Variants in NKAIN3 observed in about 807,000 individuals in gnomAD.
NKAIN3 encodes sodium/potassium transporting ATPase interacting 3, also known as sodium/potassium-transporting ATPase subunit beta-1-interacting protein 3.
In NKAIN3, 25 loss-of-function variants were observed where a neutral mutation model predicts 30.2. The ratio of observed to expected loss-of-function variants is 0.83; its 90% CI spans 0.60 to 1.16. The LOEUF (loss-of-function observed/expected upper bound fraction) is 1.16, where lower values mean the gene tolerates loss of function less well. NKAIN3 is among the 50% of genes most tolerant of loss of function. NKAIN3 has a pLI of 0.00. For missense variants in NKAIN3, 225 were observed against 254.1 expected, an observed-to-expected ratio of 0.89 and a Z score of 0.78; for synonymous variants, 91 against 89.6, an observed-to-expected ratio of 1.02 and a Z score of -0.09.
intron 1 of NKAIN3, among the ~76,000 whole-genome samples, chr8:62,527,916 TGACAGAGA>T (rs1249507091): frequency 4.1e-5 from 6 of 145,750 alleles, no homozygotes; most frequent in African/African-American, 1.1e-4. Context: ...TGTGTGTGTG[TGACAGAGA>T]GACAGAGAGA....
At chr8:62,865,872 A>G (rs1255857065) in intron 4 of NKAIN3, among the ~76,000 whole-genome samples, 2 of 152,176 alleles carry the variant, frequency 1.3e-5, no homozygotes, top group South Asian at 2.1e-4. Flanking sequence ...CTTGAGTTCT[A>G]TGTAGCATAT....
In NKAIN3 at chr8:62,345,450, C is replaced by G. The variant is rs202204275; in HGVS notation, c.54+96323C>G. Among the ~76,000 whole-genome samples the G allele has an allele frequency of 5.1e-5, 4 of 78,048 alleles. No homozygotes were observed. The East Asian group carries it at 1.7e-3, about 32-fold the overall frequency. The allele number at this position is 78,048 out of a possible 152,430, so 51.2% of individuals were successfully genotyped here. A position where few individuals can be genotyped will look rare whatever the true frequency, so the allele number is the denominator to read the frequency against. On this transcript the variant is annotated intron_variant, in intron 1 of 6. Coordinates refer to ENST00000623646, the MANE Select transcript of NKAIN3 (RefSeq NM_001304533.3). ...ATACACATATATGTATATATACACA[C>G]ATATGTATATATACACATATATACA...
intron 3 of NKAIN3, among the ~76,000 whole-genome samples, chr8:62,653,478 C>A (rs569405397): frequency 6.6e-6 from 1 of 152,152 alleles, no homozygotes; most frequent in African/African-American, 2.4e-5. Flanking sequence ...ACAGTTCAGT[C>A]CATAATAGGT....
At chr8:62,267,316 A>G (rs977377399) in intron 1 of NKAIN3, among the ~76,000 whole-genome samples, 3 of 152,230 alleles carry the variant, frequency 2.0e-5, no homozygotes, top group Admixed American at 6.5e-5. Context: ...TTTTCCTTAT[A>G]CAGAAAACTT....
intron 6 of NKAIN3, among the ~76,000 whole-genome samples, chr8:62,961,595 A>G (rs1310082640): frequency 1.3e-5 from 2 of 152,224 alleles, no homozygotes; most frequent in African/African-American, 4.8e-5. Context: ...AACTTTTTTT[A>G]AAACAGAACT....
rs530895010 is a variant in NKAIN3, at chr8:62,324,779, CACAGTA to C, written c.54+75653_54+75658del. 2.0e-4 allele frequency among the ~76,000 whole-genome samples: 31 copies of C among 152,196 alleles called. 1 individual carries two copies. In the South Asian group the frequency reaches 6.0e-3, roughly 30 times the overall value. ...TTTGAAGAATAAGTAGTTAATAAGT[CACAGTA>C]TCCTACCCGTGAGAATGAAATGTAA... On this transcript the variant is annotated intron_variant, in intron 1 of 6. Coordinates refer to ENST00000623646, the MANE Select transcript of NKAIN3 (RefSeq NM_001304533.3).
intron 2 of NKAIN3, among the ~76,000 whole-genome samples, chr8:62,585,131 A>G (rs1810429016): frequency 6.6e-6 from 1 of 152,170 alleles, no homozygotes; most frequent in South Asian, 2.1e-4. Flanking sequence ...TGGTTGAGGG[A>G]ATTAATTATA....
rs1399892490 is a variant in NKAIN3 at position 62,760,715 on chromosome 8, A to T, written c.471+13586A>T. On this transcript the variant is annotated intron_variant, in intron 4 of 6. Coordinates refer to ENST00000623646, the MANE Select transcript of NKAIN3 (RefSeq NM_001304533.3). ...TGGGTGCAGCACACCAACATGGCAC[A>T]TGTATACATATGTAACAAACCTGCA... 6.6e-5 allele frequency among the ~76,000 whole-genome samples: 10 copies of T among 152,288 alleles called. No homozygotes were observed. The East Asian group carries it at 1.5e-3, about 24-fold the overall frequency.
At chr8:62,563,299 CA>C (rs1468096726) in intron 1 of NKAIN3, among the ~76,000 whole-genome samples, 1 of 152,090 alleles carries the variant, frequency 6.6e-6, no homozygotes, top group Non-Finnish European at 1.5e-5. Flanking sequence ...GAAGCTGAAT[CA>C]AATGATGAAG....
intron 1 of NKAIN3, among the ~76,000 whole-genome samples, chr8:62,261,989 T>TAAA (rs1197534164): frequency 6.6e-6 from 1 of 152,180 alleles, no homozygotes; most frequent in African/African-American, 2.4e-5. Flanking sequence ...AAACTGTGTG[T>TAAA]GTGTGATCTT....
At chr8:62,303,782 T>TA (rs1814132990) in intron 1 of NKAIN3, among the ~76,000 whole-genome samples, 1 of 150,626 alleles carries the variant, frequency 6.6e-6, no homozygotes, top group Non-Finnish European at 1.5e-5. Context: ...ATAAAAGAAA[T>TA]ACAGCCTCTA....
chr8:62,390,196 C>T (rs1476032804), intron 1 of NKAIN3, among the ~76,000 whole-genome samples: 1 of 152,004 alleles, frequency 6.6e-6, no homozygotes, highest in Non-Finnish European at 1.5e-5. Flanking sequence ...TCCTTTATCC[C>T]ACTCCCCACC....
intron 1 of NKAIN3, among the ~76,000 whole-genome samples, chr8:62,371,723 CTAAT>C (rs1816914009): frequency 6.6e-6 from 1 of 151,940 alleles, no homozygotes; most frequent in African/African-American, 2.4e-5. Context: ...ATTTAATACA[CTAAT>C]AAATAATTTG....
intron 3 of NKAIN3, among the ~76,000 whole-genome samples, chr8:62,632,902 A>G (rs1293673262): frequency 1.3e-5 from 2 of 152,080 alleles, no homozygotes; most frequent in African/African-American, 4.8e-5. Flanking sequence ...ATGCCCCTAA[A>G]ATATTGTTTT....
At chr8:62,997,313 T>C (rs748396237) in intron 5 of NKAIN3, among the ~76,000 whole-genome samples, 2 of 152,084 alleles carry the variant, frequency 1.3e-5, no homozygotes, top group African/African-American at 4.8e-5. Flanking sequence ...AATGGGAGTG[T>C]ATTTGGATTA....
chr8:62,365,974 G>A (rs7819669), intron 1 of NKAIN3, among the ~76,000 whole-genome samples: 147,607 of 152,276 alleles, frequency 0.97, 71,599 homozygotes, highest in East Asian at 1. Context: ...AGAAGAATTG[G>A]TATTCGTTCA....
chr8:62,616,478 A>G (rs1811457784), intron 3 of NKAIN3, among the ~76,000 whole-genome samples: 1 of 152,196 alleles, frequency 6.6e-6, no homozygotes, highest in Non-Finnish European at 1.5e-5. Flanking sequence ...AAGAAAGCCC[A>G]GGACAAGATA....
intron 5 of NKAIN3, among the ~76,000 whole-genome samples, chr8:62,934,388 A>G (rs1422878754): frequency 6.6e-6 from 1 of 152,068 alleles, no homozygotes; most frequent in Non-Finnish European, 1.5e-5. Context: ...TTAAAAAAAA[A>G]AAATGCAGAC....
At chr8:62,423,118 T>C (rs1009209634) in intron 1 of NKAIN3, among the ~76,000 whole-genome samples, 2 of 152,004 alleles carry the variant, frequency 1.3e-5, no homozygotes, top group Admixed American at 1.3e-4. Flanking sequence ...GTGACACAAA[T>C]CACTTTTGTT....
Sources: allele counts gnomAD v4.1 joint callset (sites outside exome capture counted in the v4.1 genomes callset), GRCh38; gene constraint gnomAD v4.1.1; transcripts MANE v1.5; gene names NCBI Gene and HGNC (gene_info 2026-07-23, HGNC 2026-07-21).